Variants in TMEM132D observed in about 807,000 individuals in gnomAD.
TMEM132D encodes mature OL transmembrane protein.
A neutral mutation model predicts 62.3 loss-of-function variants in TMEM132D; 21 were observed. That is an observed-to-expected ratio of 0.34 (90% CI 0.24 to 0.49). The LOEUF is 0.49. TMEM132D is among the 20% of genes least tolerant of loss of function. The pLI, the probability that TMEM132D is intolerant of heterozygous loss-of-function variation, is 0.99. For missense variants in TMEM132D, 1,346 were observed against 1,402.8 expected, an observed-to-expected ratio of 0.96 and a Z score of 0.65; for synonymous variants, 621 against 575.6, an observed-to-expected ratio of 1.08 and a Z score of -1.13.
intron 4 of TMEM132D, among the ~76,000 whole-genome samples, chr12:129,295,970 G>A (rs758184109): frequency 1.1e-4 from 17 of 151,706 alleles, no homozygotes; most frequent in Non-Finnish European, 2.2e-4. Context: ...TCGAAAATAC[G>A]AAGGGCCAAC....
intron 4 of TMEM132D, among the ~76,000 whole-genome samples, chr12:129,295,000 T>A (rs1443829104): frequency 6.6e-6 from 1 of 152,146 alleles, no homozygotes. Flanking sequence ...TGTTAGGGTG[T>A]TTTTTTGATG....
chr12:129,100,537 G>A (rs961385235), intron 5 of TMEM132D, among the ~76,000 whole-genome samples: 1 of 152,200 alleles, frequency 6.6e-6, no homozygotes, highest in Non-Finnish European at 1.5e-5. Flanking sequence ...TGAATGTGCA[G>A]AACTTATCTT....
chr12:129,424,860 A>G (rs947219964), intron 3 of TMEM132D, among the ~76,000 whole-genome samples: 3 of 152,168 alleles, frequency 2.0e-5, no homozygotes, highest in African/African-American at 7.2e-5. Flanking sequence ...TAAACTCGTC[A>G]ACTTGTAAAA....
intron 2 of TMEM132D, among the ~76,000 whole-genome samples, chr12:129,558,652 A>T (rs1227699572): frequency 2.0e-5 from 3 of 152,192 alleles, no homozygotes; most frequent in African/African-American, 7.2e-5. Context: ...TGGGAAAGTC[A>T]GGTGAAGCGT....
intron 1 of TMEM132D, among the ~76,000 whole-genome samples, chr12:129,740,305 G>A (rs1869561123): frequency 6.6e-6 from 1 of 152,282 alleles, no homozygotes; most frequent in African/African-American, 2.4e-5. Flanking sequence ...CTTGAAGATA[G>A]TCAGGTCTCT....
intron 5 of TMEM132D, among the ~76,000 whole-genome samples, chr12:129,188,028 C>A (rs1291923428): frequency 6.6e-6 from 1 of 152,240 alleles, no homozygotes; most frequent in Admixed American, 6.5e-5. Context: ...ACGCGGTAGA[C>A]TGACAGCAAC....
intron 3 of TMEM132D, among the ~76,000 whole-genome samples, chr12:129,353,600 T>C (rs1170662916): frequency 6.6e-6 from 1 of 152,096 alleles, no homozygotes; most frequent in African/African-American, 2.4e-5. Context: ...CAGGTTTTGC[T>C]TGGAGGACAA....
chr12:129,389,895 C>A (rs1871248654), intron 3 of TMEM132D, among the ~76,000 whole-genome samples: 1 of 152,188 alleles, frequency 6.6e-6, no homozygotes, highest in Non-Finnish European at 1.5e-5. Context: ...GATTGAAAAA[C>A]AGTCCATTTG....
chr12:129,159,331 C>T (rs924012217), intron 5 of TMEM132D, among the ~76,000 whole-genome samples: 8 of 152,080 alleles, frequency 5.3e-5, no homozygotes, highest in East Asian at 3.9e-4. Context: ...AACCTGAAAC[C>T]GGGCAGTGGC....
intron 1 of TMEM132D, among the ~76,000 whole-genome samples, chr12:129,746,767 G>T (rs1869793584): frequency 2.0e-5 from 3 of 152,086 alleles, no homozygotes; most frequent in South Asian, 2.1e-4. Context: ...CCTAAGGAAG[G>T]TTTTCTCTGC....
At chr12:129,130,033 G>GTGTA (rs1234267576) in intron 5 of TMEM132D, among the ~76,000 whole-genome samples, 1 of 151,560 alleles carries the variant, frequency 6.6e-6, no homozygotes, top group South Asian at 2.1e-4. Context: ...GTGTGTGTGT[G>GTGTA]TGTGTGTGTG....
chr12:129,139,916 A>G (rs1486239936), intron 5 of TMEM132D, among the ~76,000 whole-genome samples: 1 of 151,378 alleles, frequency 6.6e-6, no homozygotes, highest in Non-Finnish European at 1.5e-5. Flanking sequence ...GTGTTTTACC[A>G]TGTTGCCCAG....
intron 4 of TMEM132D, among the ~76,000 whole-genome samples, chr12:129,316,419 A>G (rs1868489593): frequency 6.6e-6 from 1 of 152,104 alleles, no homozygotes; most frequent in Non-Finnish European, 1.5e-5. Flanking sequence ...CTCATTCAGG[A>G]GCAGGTTATT....
intron 2 of TMEM132D, among the ~76,000 whole-genome samples, chr12:129,687,302 T>A (rs1158716506): frequency 6.6e-6 from 1 of 152,124 alleles, no homozygotes; most frequent in Non-Finnish European, 1.5e-5. Flanking sequence ...TCTCCTTTTT[T>A]GGGGGAACAA....
chr12:129,301,403 T>C (rs1346812374), intron 4 of TMEM132D, among the ~76,000 whole-genome samples: 5 of 152,160 alleles, frequency 3.3e-5, no homozygotes, highest in Non-Finnish European at 7.3e-5. Context: ...TCCTAACATT[T>C]GCTCAGTAAA....
intron 2 of TMEM132D, among the ~76,000 whole-genome samples, chr12:129,664,615 C>T (rs926894171): frequency 9.2e-5 from 14 of 151,684 alleles, no homozygotes; most frequent in East Asian, 1.9e-4. Context: ...TTAGTAGAGA[C>T]GGGGTTTCAC....
chr12:129,636,606 A>C (rs760426002), intron 2 of TMEM132D, among the ~76,000 whole-genome samples: 22 of 151,974 alleles, frequency 1.4e-4, no homozygotes, highest in Non-Finnish European at 2.6e-4. Flanking sequence ...TTTGGTCTAC[A>C]TTTGTCAAAG....
At chr12:129,617,255 A>G (rs1239257644) in intron 2 of TMEM132D, among the ~76,000 whole-genome samples, 1 of 152,220 alleles carries the variant, frequency 6.6e-6, no homozygotes, top group East Asian at 1.9e-4. Flanking sequence ...AAAATGAAGA[A>G]TGGAAAATAA....
intron 5 of TMEM132D, among the ~76,000 whole-genome samples, chr12:129,152,278 T>C (rs2135536352): frequency 6.6e-6 from 1 of 152,320 alleles, no homozygotes; most frequent in African/African-American, 2.4e-5. Flanking sequence ...AATGGGGGTG[T>C]TGTCACAGAG....
Sources: allele counts gnomAD v4.1 joint callset (sites outside exome capture counted in the v4.1 genomes callset), GRCh38; gene constraint gnomAD v4.1.1; transcripts MANE v1.5; gene names NCBI Gene and HGNC (gene_info 2026-07-23, HGNC 2026-07-21).